Variants in ATG7 observed in about 807,000 individuals in gnomAD.
The protein encoded by ATG7 is autophagy related 7, also known as ubiquitin-like modifier-activating enzyme ATG7.
Under a neutral mutation model 82.4 loss-of-function variants are expected in ATG7, and 70 were observed. That is an observed-to-expected ratio of 0.85 (90% CI 0.70 to 1.04). The LOEUF is 1.04. Ranked by LOEUF, ATG7 falls within the 50% of genes least tolerant of loss-of-function variation. The probability of loss-of-function intolerance (pLI) is 0.00; values close to 1 mark genes in which losing one functional copy is unlikely to be tolerated. For missense variants in ATG7, 792 were observed against 864.3 expected (o/e 0.92, Z 1.05); for synonymous variants, 287 against 313.0 (o/e 0.92, Z 0.88).
At chr3:11,536,035 C>T (rs2070257503) in intron 20 of ATG7, among the ~76,000 whole-genome samples, 1 of 152,180 alleles carries the variant, frequency 6.6e-6, no homozygotes, top group Non-Finnish European at 1.5e-5. Context: ...CCTCCATCTC[C>T]ATGGGTTCTA....
chr3:11,387,257 C>T (rs1226314952), intron 19 of ATG7, among the ~76,000 whole-genome samples: 3 of 152,210 alleles, frequency 2.0e-5, no homozygotes, highest in East Asian at 1.9e-4. Context: ...AGAAACCTTC[C>T]GTTCATGTCT....
chr3:11,564,300 T>A, the ATG7 span, among the ~76,000 whole-genome samples: 6 of 152,200 alleles, frequency 3.9e-5, no homozygotes, highest in African/African-American at 1.4e-4. Flanking sequence ...CTGACCAGCA[T>A]GGGCTCACAA....
chr3:11,413,086 A>G lies in ATG7; in HGVS notation c.1957-13718A>G, dbSNP rs896921192. ...GTTTTTGTAGACTGTAGGGTTTTGT[A>G]CATGTAAAATCATATCATTTGCAAG... On this transcript the variant is annotated intron_variant, in intron 19 of 20. Coordinates refer to ENST00000693202, the MANE Select transcript of ATG7 (RefSeq NM_001349232.2). Among the ~76,000 whole-genome samples the G allele has an allele frequency of 4.6e-5, 7 of 152,102 alleles. No individual in the cohort carries two copies. The South Asian group carries it at 1.2e-3, about 27-fold the overall frequency.
Position 11,508,319 on chromosome 3 carries a change from C to T in ATG7, c.2080-46492C>T, listed in dbSNP as rs931909174. ...TTGGGCCGCACATAAAATACACTAA[C>T]GATAGCTGATGAGCTTAAAAAAAAA... is the stretch of plus-strand genomic sequence containing the variant. On this transcript the variant is annotated intron_variant, in intron 20 of 20. Transcript: ENST00000693202. Among the ~76,000 whole-genome samples the T allele has an allele frequency of 1.9e-4, 27 of 138,732 alleles. 1 individual carries two copies. Among genetic ancestry groups the T allele is most frequent in the South Asian group, 4.7e-4 (2 of 4,214 alleles). The allele number at this position is 138,732 out of a possible 152,430, so 91.0% of individuals were successfully genotyped here. A position where few individuals can be genotyped will look rare whatever the true frequency, so the allele number is the denominator to read the frequency against.
intron 9 of ATG7, among the ~76,000 whole-genome samples, chr3:11,327,344 AC>A (rs1302718167): frequency 4.6e-5 from 7 of 152,330 alleles, no homozygotes; most frequent in African/African-American, 1.7e-4. Context: ...TATGCAGTGA[AC>A]CCTCTTTTAA....
At chr3:11,445,191 C>G (rs1176501427) in intron 20 of ATG7, among the ~76,000 whole-genome samples, 1 of 152,178 alleles carries the variant, frequency 6.6e-6, no homozygotes, top group East Asian at 1.9e-4. Context: ...ACCCAGCAAT[C>G]CCATTACTGG....
intron 19 of ATG7, among the ~76,000 whole-genome samples, chr3:11,417,804 TATTTTA>T (rs1559578311): frequency 2.3e-5 from 1 of 43,154 alleles, no homozygotes; most frequent in Non-Finnish European, 4.8e-5. Flanking sequence ...ATTATTATTT[TATTTTA>T]TTTTATTTTT....
intron 19 of ATG7, among the ~76,000 whole-genome samples, chr3:11,417,805 A>ATTTTTTTTTTTTTTTT (rs200364263): frequency 9.5e-5 from 5 of 52,742 alleles, no homozygotes; most frequent in African/African-American, 1.3e-4. Context: ...TTATTATTTT[A>ATTTTTTTTTTTTTTTT]TTTTATTTTA....
At chr3:11,285,013 A>AT (rs1006968534) in intron 3 of ATG7, among the ~76,000 whole-genome samples, 128 of 143,890 alleles carry the variant, frequency 8.9e-4, no homozygotes, top group Middle Eastern at 7.6e-3. Flanking sequence ...TGCCCAGCTA[A>AT]TTTTTTTTTT....
chr3:11,557,620 A>ATATC lies in ATG7; in HGVS notation c.*2780_*2783dup, dbSNP rs1559846591. 3 of 152,804 alleles carry ATATC rather than the reference A, an allele frequency of 2.0e-5. No homozygotes were observed. The highest frequency in any genetic ancestry group is 6.5e-5 in the Admixed American group (1 of 15,292). 9.5% of individuals were successfully genotyped at this position (152,804 alleles called of 1,614,324 possible). A position where few individuals can be genotyped will look rare whatever the true frequency, so the allele number is the denominator to read the frequency against. Reference sequence around the variant, plus strand: ...GAGTACAACTGTACCAGCAGTAAGTATATCTAGGACTGTAACTGACAAAAA... The same window carrying ATATC: ...GAGTACAACTGTACCAGCAGTAAGTATATCTATCTAGGACTGTAACTGACAAAAA... On this transcript the variant is annotated 3_prime_UTR_variant, in exon 21 of 21. Coordinates refer to ENST00000693202, the MANE Select transcript of ATG7 (RefSeq NM_001349232.2).
intron 20 of ATG7, among the ~76,000 whole-genome samples, chr3:11,465,281 C>T (rs749359482): frequency 1.3e-5 from 2 of 151,828 alleles, no homozygotes; most frequent in Non-Finnish European, 2.9e-5. Flanking sequence ...CCCATCTCTA[C>T]TAAAAATTCA....
intron 20 of ATG7, among the ~76,000 whole-genome samples, chr3:11,501,892 G>T (rs2091353332): frequency 6.6e-6 from 1 of 152,124 alleles, no homozygotes; most frequent in Non-Finnish European, 1.5e-5. Flanking sequence ...GTTTCACCAT[G>T]TTGGCCAGGC....
intron 20 of ATG7, among the ~76,000 whole-genome samples, chr3:11,469,441 C>T (rs2087179763): frequency 6.6e-6 from 1 of 151,292 alleles, no homozygotes; most frequent in East Asian, 1.9e-4. Flanking sequence ...AAGAGCAAAA[C>T]TCCACCTCAA....
chr3:11,274,637 C>T (rs1179596664), intron 1 of ATG7, among the ~76,000 whole-genome samples: 2 of 152,082 alleles, frequency 1.3e-5, no homozygotes, highest in Non-Finnish European at 2.9e-5. Flanking sequence ...AGCATGTTAC[C>T]CGCACATAGA....
At chr3:11,395,796 C>T (rs986415482) in intron 19 of ATG7, among the ~76,000 whole-genome samples, 5 of 151,864 alleles carry the variant, frequency 3.3e-5, no homozygotes, top group East Asian at 3.9e-4. Flanking sequence ...AAAAATTAGC[C>T]GGGCGTGGTG....
At chr3:11,516,043 A>G (rs898264748) in intron 20 of ATG7, among the ~76,000 whole-genome samples, 18 of 151,408 alleles carry the variant, frequency 1.2e-4, no homozygotes, top group African/African-American at 3.6e-4. Context: ...AAAAAAAAAA[A>G]AAACAAAAAA....
chr3:11,468,160 A>G (rs575662811), intron 20 of ATG7, among the ~76,000 whole-genome samples: 1 of 152,342 alleles, frequency 6.6e-6, no homozygotes, highest in South Asian at 2.1e-4. Context: ...CCTTTGAGGT[A>G]TGGCTGGACA....
chr3:11,569,144 A>G, the ATG7 span, among the ~76,000 whole-genome samples: 1 of 152,174 alleles, frequency 6.6e-6, no homozygotes, highest in African/African-American at 2.4e-5. Context: ...CACTGCGTCT[A>G]TTTGATACTC....
Position 11,342,119 on chromosome 3 carries a change from A to C in ATG7, c.981-16A>C, listed in dbSNP as rs779857417. 5.6e-6 allele frequency: 9 copies of C among 1,604,432 alleles called. No individual in the cohort carries two copies. The East Asian group carries it at 2.0e-4, about 36-fold the overall frequency. On this transcript the variant is annotated splice_polypyrimidine_tract_variant and intron_variant, in intron 12 of 20. Coordinates refer to ENST00000693202, the MANE Select transcript of ATG7 (RefSeq NM_001349232.2). ...CATAAAGGAGTGACTGAATAAGTAA[A>C]TCTCTCCTTTTCTAGGTTAGCTGAG...
Sources: gnomAD v4.1 joint callset for allele counts (sites outside exome capture counted in the v4.1 genomes callset) on GRCh38, gnomAD v4.1.1 for gene constraint, MANE v1.5 for transcripts, NCBI Gene and HGNC (gene_info 2026-07-23, HGNC 2026-07-21) for gene names.